Variants in USP33 observed in about 807,000 individuals in gnomAD.
The protein encoded by USP33 is ubiquitin carboxyl-terminal hydrolase 33.
In USP33, 46 loss-of-function variants were observed where a neutral mutation model predicts 124.2. The observed-to-expected ratio is 0.37, with a 90% CI of 0.29 to 0.47. The LOEUF (loss-of-function observed/expected upper bound fraction) is 0.47, where lower values mean the gene tolerates loss of function less well. USP33 is among the 20% of genes least tolerant of loss of function. USP33 has a pLI of 0.99. For synonymous variants in USP33, 350 were observed against 352.3 expected (o/e 0.99, Z 0.07); for missense variants, 851 against 1,070.6 (o/e 0.79, Z 2.86).
chr1:77,698,441 C>G (rs1673642618), intron 22 of USP33, among the ~76,000 whole-genome samples: 1 of 151,334 alleles, frequency 6.6e-6, no homozygotes, highest in Admixed American at 6.6e-5. Flanking sequence ...CAAAACAGAA[C>G]CAGGAAAGAA....
chr1:77,725,194 T>G (rs1677022727), intron 11 of USP33, among the ~76,000 whole-genome samples: 1 of 152,070 alleles, frequency 6.6e-6, no homozygotes, highest in Non-Finnish European at 1.5e-5. Context: ...ATCAAAAGAC[T>G]ACATACTATA....
intron 5 of USP33, among the ~76,000 whole-genome samples, chr1:77,736,460 A>C (rs1051585981): frequency 6.6e-6 from 1 of 152,210 alleles, no homozygotes; most frequent in African/African-American, 2.4e-5. Flanking sequence ...GTGACAGTAA[A>C]CCATAGCTAA....
intron 22 of USP33, 30 bp downstream of exon 22, chr1:77,701,339 C>CAA: frequency 6.6e-7 from 1 of 1,505,864 alleles, no homozygotes; most frequent in African/African-American, 1.4e-5. Flanking sequence ...AATAATTTAC[C>CAA]AAAAAAAAAT....
intron 1 of USP33, among the ~76,000 whole-genome samples, chr1:77,742,116 T>TA (rs201603240): frequency 3.0e-4 from 45 of 148,482 alleles, no homozygotes; most frequent in Middle Eastern, 3.6e-3. Context: ...TTTATCCTTT[T>TA]AAAAAAAAAA....
intron 1 of USP33, among the ~76,000 whole-genome samples, chr1:77,748,892 T>C (rs1680026284): frequency 6.7e-6 from 1 of 149,242 alleles, no homozygotes; most frequent in Admixed American, 6.9e-5. Flanking sequence ...GAAAAGAGAG[T>C]TCCTTTTTAT....
At chr1:77,738,428 G>A (rs1219626453) in intron 5 of USP33, among the ~76,000 whole-genome samples, 1 of 151,878 alleles carries the variant, frequency 6.6e-6, no homozygotes, top group Non-Finnish European at 1.5e-5. Context: ...GATAAATTCT[G>A]CAAGCAAACC....
rs1676811416 is a variant in USP33, at chr1:77,723,513, G to A, written c.1277-70C>T. 5 of 1,039,864 alleles carry A rather than the reference G, an allele frequency of 4.8e-6. No homozygotes were observed. In the South Asian group the frequency reaches 6.0e-5, roughly 13 times the overall value. 64.4% of individuals were successfully genotyped at this position (1,039,864 alleles called of 1,614,324 possible). A position where few individuals can be genotyped will look rare whatever the true frequency, so the allele number is the denominator to read the frequency against. On this transcript the variant is annotated intron_variant, in intron 11 of 23. Transcript: ENST00000370794. ...ACATTTTTCTCTGGAATCTTTTTTT[G>A]TCTTGTCAATCTTACTTGTATATGA...
intron 21 of USP33, among the ~76,000 whole-genome samples, chr1:77,708,699 C>T (rs962763309): frequency 8.5e-5 from 13 of 152,140 alleles, no homozygotes; most frequent in Non-Finnish European, 1.6e-4. Flanking sequence ...TGTTCCTTTC[C>T]TCCAAATAGT....
intron 1 of USP33, among the ~76,000 whole-genome samples, chr1:77,747,404 G>A (rs1679854146): frequency 6.6e-6 from 1 of 152,042 alleles, no homozygotes; most frequent in East Asian, 1.9e-4. Flanking sequence ...ACAGGTGTGA[G>A]CCACCCCACC....
intron 15 of USP33, chr1:77,720,414 A>C: frequency 6.1e-6 from 6 of 985,384 alleles, no homozygotes; most frequent in Non-Finnish European, 7.2e-6. Flanking sequence ...TTCAAGAACA[A>C]AGTGATACTT....
intron 19 of USP33, among the ~76,000 whole-genome samples, chr1:77,714,182 A>C (rs950788385): frequency 1.3e-5 from 2 of 152,128 alleles, no homozygotes; most frequent in African/African-American, 4.8e-5. Context: ...CCAGCTATTC[A>C]TTTAGACAAT....
intron 9 of USP33, among the ~76,000 whole-genome samples, chr1:77,728,923 G>A (rs1273853921): frequency 6.6e-6 from 1 of 151,854 alleles, no homozygotes; most frequent in Non-Finnish European, 1.5e-5. Flanking sequence ...TTTTTGAGAT[G>A]GGGTCTCATT....
At chr1:77,709,339 T>C (rs1454435098) in intron 21 of USP33, among the ~76,000 whole-genome samples, 1 of 151,906 alleles carries the variant, frequency 6.6e-6, no homozygotes, top group East Asian at 1.9e-4. Context: ...CAAGACACTG[T>C]CTCTACAAAA....
chr1:77,734,908 G>C (rs1678251702), intron 6 of USP33, among the ~76,000 whole-genome samples: 2 of 152,126 alleles, frequency 1.3e-5, no homozygotes, highest in African/African-American at 4.8e-5. Flanking sequence ...TGGATCACGA[G>C]GTCAGGAGAT....
chr1:77,758,796 T>C lies in USP33; in HGVS notation c.-52+847A>G, dbSNP rs141583367. Among the ~76,000 whole-genome samples, 89 of 152,280 alleles carry C rather than the reference T, an allele frequency of 5.8e-4. 1 individual carries two copies. The highest frequency in any genetic ancestry group is 2.0e-3 in the African/African-American group (85 of 41,564). ...AACTTAAAAATTCTCTACATCCACA[T>C]AGTTATTAAGCAAAAGGCCTAGAGA... is the stretch of plus-strand genomic sequence containing the variant. On this transcript the variant is annotated intron_variant, in intron 1 of 23. Coordinates refer to ENST00000370794, the MANE Select transcript of USP33 (RefSeq NM_201624.3).
At chr1:77,752,562 T>TGA in intron 1 of USP33, among the ~76,000 whole-genome samples, 1 of 152,252 alleles carries the variant, frequency 6.6e-6, no homozygotes, top group South Asian at 2.1e-4. Flanking sequence ...AAAAGTCAGA[T>TGA]TCACATTACA....
intron 1 of USP33, among the ~76,000 whole-genome samples, chr1:77,744,887 G>A (rs1238283706): frequency 6.6e-6 from 1 of 152,202 alleles, no homozygotes. Context: ...ACGGTGCTAA[G>A]AATGTATATT....
At position 77,740,799 on chromosome 1, in the gene USP33, A is replaced by C. The variant is rs901107393; in HGVS notation, c.198+78T>G. ...GCAAATTTGAATTACAACTTGAATT[A>C]ATAATGTTATACTGGCTTTCCCTTT... On this transcript the variant is annotated intron_variant, in intron 4 of 23. Transcript: ENST00000370794. The C allele has an allele frequency of 1.4e-5, 14 of 983,040 alleles. No individual in the cohort carries two copies. In the Admixed American group the frequency reaches 1.8e-4, roughly 13 times the overall value. 60.9% of individuals were successfully genotyped at this position (983,040 alleles called of 1,614,324 possible).
intron 10 of USP33, among the ~76,000 whole-genome samples, chr1:77,727,393 C>T (rs1336346176): frequency 6.6e-6 from 1 of 152,178 alleles, no homozygotes; most frequent in African/African-American, 2.4e-5. Context: ...GGACAGCAGT[C>T]AAAGCTAAGT....
Sources: allele counts gnomAD v4.1 joint callset (sites outside exome capture counted in the v4.1 genomes callset), GRCh38; gene constraint gnomAD v4.1.1; transcripts MANE v1.5; gene names NCBI Gene and HGNC (gene_info 2026-07-23, HGNC 2026-07-21).